The following TGIF2 variants were observed in gnomAD, a reference collection of about 807,000 sequenced individuals.
TGIF2 encodes the protein homeobox protein TGIF2.
Under a neutral mutation model 15.1 loss-of-function variants are expected in TGIF2, and 5 were observed. That is an observed-to-expected ratio of 0.33 (90% CI 0.17 to 0.70). The LOEUF (loss-of-function observed/expected upper bound fraction) is 0.70, where lower values mean the gene tolerates loss of function less well. Among genes scored for constraint, TGIF2 ranks in the 30% least tolerant of loss-of-function variants. TGIF2 has a pLI of 0.67. For synonymous variants in TGIF2, 131 were observed against 128.9 expected (o/e 1.02, Z -0.11); for missense variants, 264 against 302.5 (o/e 0.87, Z 0.94).
intron 1 of TGIF2, among the ~76,000 whole-genome samples, chr20:36,577,519 T>C (rs2038456381): frequency 6.7e-6 from 1 of 150,124 alleles, no homozygotes; most frequent in African/African-American, 2.5e-5. Flanking sequence ...CCTTTGTTTG[T>C]TTTTGTTTTT....
rs777194051 is a variant in TGIF2, at chr20:36,578,877, G to C, written c.103G>C (p.Asp35His). ...LPKESVKILR[D>H]WLYLHRYNAY... ...CAAGGAGTCGGTGAAGATCCTCCGG[G>C]ACTGGCTGTACTTGCACCGCTACAA... Residue 35 changes from aspartate (D) to histidine (H), a missense_variant, in exon 2 of 3, where the codon GAC becomes CAC. Transcript: ENST00000373872. 2 of 1,614,156 alleles carry C rather than the reference G, an allele frequency of 1.2e-6. No homozygotes were observed. The highest frequency in any genetic ancestry group is 1.7e-6 in the Non-Finnish European group (2 of 1,180,036).
chr20:36,590,359 G>A (rs2038744580), intron 2 of TGIF2, among the ~76,000 whole-genome samples: 1 of 151,926 alleles, frequency 6.6e-6, no homozygotes, highest in Admixed American at 6.6e-5. Context: ...GTTCAAGCAA[G>A]TTTCCTGCCT....
chr20:36,589,719 C>G (rs893927676), intron 2 of TGIF2, among the ~76,000 whole-genome samples: 3 of 151,918 alleles, frequency 2.0e-5, no homozygotes, highest in Non-Finnish European at 4.4e-5. Context: ...GACAAGGTCT[C>G]ACGCTGTCAC....
intron 2 of TGIF2, among the ~76,000 whole-genome samples, chr20:36,579,936 G>A (rs532288684): frequency 2.6e-5 from 4 of 152,226 alleles, no homozygotes; most frequent in Admixed American, 6.5e-5. Flanking sequence ...TTGCTGACCC[G>A]CAGGTGTCTT....
chr20:36,582,179 G>T (rs1441384861), intron 2 of TGIF2, among the ~76,000 whole-genome samples: 1 of 152,042 alleles, frequency 6.6e-6, no homozygotes, highest in East Asian at 1.9e-4. Flanking sequence ...GGAGGTTGCG[G>T]TGAGCCAAGA....
At chr20:36,574,509 G>A (rs1266928959) in intron 1 of TGIF2, 1 of 142,542 alleles carries the variant, frequency 7.0e-6, no homozygotes, top group East Asian at 2.2e-4. Context: ...CTCCCCCTCC[G>A]GGCCCAGTTC....
intron 2 of TGIF2, among the ~76,000 whole-genome samples, chr20:36,586,540 C>G (rs73279453): frequency 6.6e-6 from 1 of 152,120 alleles, no homozygotes; most frequent in Admixed American, 6.6e-5. Context: ...ATTAAAAATA[C>G]AAAAATTACT....
chr20:36,579,168 C>T (rs190715947), intron 2 of TGIF2, among the ~76,000 whole-genome samples: 7 of 152,200 alleles, frequency 4.6e-5, no homozygotes, highest in African/African-American at 1.7e-4. Context: ...CAATTTCAGA[C>T]TTTAGATAGT....
chr20:36,578,182 G>A (rs2038470591), intron 1 of TGIF2, among the ~76,000 whole-genome samples: 1 of 151,972 alleles, frequency 6.6e-6, no homozygotes, highest in Non-Finnish European at 1.5e-5. Context: ...GGAGGCTGAG[G>A]CTGCTAGATC....
chr20:36,587,699 T>G (rs986370380), intron 2 of TGIF2, among the ~76,000 whole-genome samples: 13 of 152,150 alleles, frequency 8.5e-5, no homozygotes, highest in Non-Finnish European at 4.4e-5. Flanking sequence ...TCCGATCTGT[T>G]TCTTCAAGGG....
chr20:36,593,207 C>T lies in TGIF2; in HGVS notation c.*1776C>T, dbSNP rs2038797001. On this transcript the variant is annotated 3_prime_UTR_variant, in exon 3 of 3. Coordinates refer to ENST00000373872, the MANE Select transcript of TGIF2 (RefSeq NM_021809.7). The stretch of plus-strand genomic sequence containing the variant: ...GCCAAAAGATAGATCAGGACGACAG[C>T]CTTTAGTTTTCCTGAAATCACCAGG... 1 of 152,572 alleles carries T rather than the reference C, an allele frequency of 6.6e-6. No individual in the cohort carries two copies. The highest frequency in any genetic ancestry group is 1.5e-5 in the Non-Finnish European group (1 of 68,052). The allele number at this position is 152,572 out of a possible 1,614,324, so 9.5% of individuals were successfully genotyped here. A position where few individuals can be genotyped will look rare whatever the true frequency, so the allele number is the denominator to read the frequency against.
At chr20:36,587,013 C>T (rs1363233832) in intron 2 of TGIF2, among the ~76,000 whole-genome samples, 1 of 152,188 alleles carries the variant, frequency 6.6e-6, no homozygotes, top group African/African-American at 2.4e-5. Flanking sequence ...TTTCCGGTTC[C>T]CAGCCTGTGT....
Position 36,591,794 on chromosome 20 carries a change from A to G in TGIF2, c.*363A>G, listed in dbSNP as rs1015692885. The G allele has an allele frequency of 5.2e-6, 1 of 190,904 alleles. No individual in the cohort carries two copies. Among genetic ancestry groups the G allele is most frequent in the Non-Finnish European group, 1.1e-5 (1 of 92,018 alleles). 11.8% of individuals were successfully genotyped at this position (190,904 alleles called of 1,614,324 possible). A position where few individuals can be genotyped will look rare whatever the true frequency, so the allele number is the denominator to read the frequency against. ...CAAATTCAGTCCTATGTTGGGTCCA[A>G]GCTGCCCCTGTGCTGTTTCTGTCAA... On this transcript the variant is annotated 3_prime_UTR_variant, in exon 3 of 3. Coordinates refer to ENST00000373872, the MANE Select transcript of TGIF2 (RefSeq NM_021809.7). The surrounding 1 kb of genome is among the most constrained non-coding windows in gnomAD (Gnocchi z 5.3).
chr20:36,584,767 G>A (rs1306982124), intron 2 of TGIF2, among the ~76,000 whole-genome samples: 19 of 152,024 alleles, frequency 1.2e-4, no homozygotes, highest in Non-Finnish European at 2.2e-4. Context: ...GGCTGGTCTC[G>A]AACTCCCGAC....
At chr20:36,578,367 G>A (rs1450741391) in intron 1 of TGIF2, among the ~76,000 whole-genome samples, 1 of 151,564 alleles carries the variant, frequency 6.6e-6, no homozygotes, top group Non-Finnish European at 1.5e-5. Context: ...GAGCCAAGAT[G>A]GCGCCACTGC....
chr20:36,589,693 C>CT (rs1019680063), intron 2 of TGIF2, among the ~76,000 whole-genome samples: 9 of 150,998 alleles, frequency 6.0e-5, no homozygotes, highest in Non-Finnish European at 1.2e-4. Context: ...GCTCGACCGA[C>CT]TTTTTTTTTC....
rs2038806049 is a variant in TGIF2 at position 36,593,784 on chromosome 20, A to G, written c.*2353A>G. 6.6e-6 allele frequency: 1 copy of G among 152,560 alleles called. No homozygotes were observed. The highest frequency in any genetic ancestry group is 1.5e-5 in the Non-Finnish European group (1 of 68,028). 9.5% of individuals were successfully genotyped at this position (152,560 alleles called of 1,614,324 possible). A position where few individuals can be genotyped will look rare whatever the true frequency, so the allele number is the denominator to read the frequency against. On this transcript the variant is annotated 3_prime_UTR_variant, in exon 3 of 3. Coordinates refer to ENST00000373872, the MANE Select transcript of TGIF2 (RefSeq NM_021809.7). Reference sequence around the variant, plus strand: ...GAATTCTGGTTGGCATTTCCCCATTATGTAAAATGGGGTGTTGGGTAGGGC... The same window carrying G: ...GAATTCTGGTTGGCATTTCCCCATTGTGTAAAATGGGGTGTTGGGTAGGGC...
At position 36,591,114 on chromosome 20, in the gene TGIF2, C is replaced by T. The variant is rs1295403703; in HGVS notation, c.397C>T (p.Pro133Ser). ...GCTCTCCCTGTCTGTGTGCTCCATG[C>T]CGCTTCACTCAGGCCAGGGGGAAAA... ...NVLSLSVCSM[P>S]LHSGQGEKPA... The change falls in exon 3 of 3, where the codon CCG becomes TCG. Residue 133 changes from proline (P) to serine (S), a missense_variant. Physicochemically the swap from Pro to Ser is moderately conservative, Grantham distance 74. Coordinates refer to ENST00000373872, the MANE Select transcript of TGIF2 (RefSeq NM_021809.7). The surrounding 1 kb of genome is among the most constrained non-coding windows in gnomAD (Gnocchi z 5.3). The T allele has an allele frequency of 6.2e-7, 1 of 1,610,704 alleles. No individual in the cohort carries two copies. The highest frequency in any genetic ancestry group is 1.7e-5 in the Admixed American group (1 of 59,846).
intron 2 of TGIF2, among the ~76,000 whole-genome samples, chr20:36,588,420 C>T (rs1164294773): frequency 8.2e-6 from 1 of 122,554 alleles, no homozygotes; most frequent in African/African-American, 3.2e-5. Context: ...GGCTGGAGTG[C>T]AGTGGCGCAA....
Sources: gnomAD v4.1 joint callset for allele counts (sites outside exome capture counted in the v4.1 genomes callset) on GRCh38, gnomAD v4.1.1 for gene constraint, Gnocchi (gnomAD v3.1) non-coding constraint, MANE v1.5 for transcripts, NCBI Gene and HGNC (gene_info 2026-07-23, HGNC 2026-07-21) for gene names.